The following SMOX variants were observed in gnomAD, a reference collection of about 807,000 sequenced individuals.
The protein encoded by SMOX is spermine oxidase, also known as flavin containing amine oxidase.
Under a neutral mutation model 51.0 loss-of-function variants are expected in SMOX, and 22 were observed. The observed-to-expected ratio is 0.43, with a 90% confidence interval of 0.31 to 0.62. SMOX has a LOEUF of 0.62. Among genes scored for constraint, SMOX ranks in the 20% least tolerant of loss-of-function variants. The probability of loss-of-function intolerance (pLI) is 0.10; values close to 1 mark genes in which losing one functional copy is unlikely to be tolerated. For missense variants in SMOX, 566 were observed against 777.7 expected, an observed-to-expected ratio of 0.73 and a Z score of 3.24; for synonymous variants, 282 against 307.8, an observed-to-expected ratio of 0.92 and a Z score of 0.88.
intron 1 of SMOX, among the ~76,000 whole-genome samples, chr20:4,155,941 C>T (rs1423385805): frequency 6.6e-6 from 1 of 152,176 alleles, no homozygotes; most frequent in African/African-American, 2.4e-5. Flanking sequence ...ATCCCACACA[C>T]ACCTCCTCAA....
chr20:4,155,369 C>T (rs1207180931), intron 1 of SMOX, among the ~76,000 whole-genome samples: 7 of 151,924 alleles, frequency 4.6e-5, no homozygotes, highest in Middle Eastern at 3.2e-3. Context: ...GAGCTGCTGT[C>T]GGGGGTCTTA....
intron 1 of SMOX, among the ~76,000 whole-genome samples, chr20:4,160,771 CCGTCTCCACCTTCAGGGAGGAAGGCT>C (rs1315386000): frequency 2.6e-5 from 4 of 152,114 alleles, no homozygotes; most frequent in African/African-American, 9.7e-5. Context: ...GGAGGAAGGC[CCGTCTCCACCTTCAGGGAGGAAGGCT>C]GCCTGGATCC....
rs1158362889 is a variant in SMOX, at chr20:4,175,087, C to T, written c.32C>T (p.Ala11Val). MQSCESSGDS[A>V]DDPLSRGLRR... is the part of the protein sequence containing the mutation. ...AGTTGTGAATCCAGTGGTGACAGTG[C>T]GGATGACCCTCTCAGTCGCGGCCTA... is the stretch of plus-strand genomic sequence containing the variant. The change falls in exon 2 of 7, where the codon GCG (alanine) becomes GTG (valine). Residue 11 changes from alanine to valine, a missense_variant. Transcript: ENST00000305958. The T allele has an allele frequency of 1.9e-6, 3 of 1,614,094 alleles. No individual in the cohort carries two copies. Among genetic ancestry groups the T allele is most frequent in the African/African-American group, 1.3e-5 (1 of 74,934 alleles).
At chr20:4,161,352 A>G (rs1600802174) in intron 1 of SMOX, among the ~76,000 whole-genome samples, 1 of 152,178 alleles carries the variant, frequency 6.6e-6, no homozygotes, top group South Asian at 2.1e-4. Context: ...AGCTCTCCCA[A>G]CCCTGCTGAT....
rs575370522 is a variant in SMOX at position 4,166,299 on chromosome 20, A to T, written c.-26-8731A>T. ...CCATCTCTACCTGTGTCTCTCTCTG[A>T]TACTGTCATCAAGGCCCTCAGTGAG... On this transcript the variant is annotated intron_variant, in intron 1 of 6. Transcript: ENST00000305958. This position sits in a 1 kb window ranked among gnomAD's most constrained non-coding sequence, Gnocchi z 4.2. 1.3e-3 allele frequency among the ~76,000 whole-genome samples: 197 copies of T among 152,210 alleles called. 1 individual carries two copies. The highest frequency in any genetic ancestry group is 4.2e-3 in the African/African-American group (176 of 41,502).
Position 4,153,923 on chromosome 20 carries a change from T to C in SMOX, c.-27+4946T>C, listed in dbSNP as rs1985881311. ...TTAGCTGTGGTCAGCACCTGGCATC[T>C]CCTGTGCCCCAGCCTGGTGTTCAGA... On this transcript the variant is annotated intron_variant, in intron 1 of 6. Transcript: ENST00000305958. The surrounding 1 kb of genome is among the most constrained non-coding windows in gnomAD (Gnocchi z 4.4). Among the ~76,000 whole-genome samples, 1 of 152,142 alleles carries C rather than the reference T, an allele frequency of 6.6e-6. No homozygotes were observed. Among genetic ancestry groups the C allele is most frequent in the Non-Finnish European group, 1.5e-5 (1 of 68,020 alleles).
At chr20:4,150,909 G>A (rs1344100792) in intron 1 of SMOX, among the ~76,000 whole-genome samples, 2 of 137,068 alleles carry the variant, frequency 1.5e-5, no homozygotes, top group African/African-American at 2.7e-5. Context: ...TTGGCTCACC[G>A]CAACCTCCAC....
chr20:4,180,200 A>G (rs900159079), intron 3 of SMOX, among the ~76,000 whole-genome samples: 38 of 152,328 alleles, frequency 2.5e-4, no homozygotes, highest in African/African-American at 9.1e-4. Flanking sequence ...GCAGGGAGGC[A>G]AGATGAAACA....
In SMOX at chr20:4,182,227, A is replaced by G. The variant is rs968828254; in HGVS notation, c.748A>G (p.Ile250Val). ...GGTTGTGGAGCTGCTGGCGGAGGGC[A>G]TCCCTGCCCACGTCATCCAGCTAGG... Reference protein sequence around the residue: ...MRVVELLAEGIPAHVIQLGKP... With the variant: ...MRVVELLAEGVPAHVIQLGKP... Residue 250 changes from isoleucine to valine, a missense_variant, in exon 5 of 7, where the codon ATC becomes GTC. Physicochemically the swap from Ile to Val is conservative, Grantham distance 29 (BLOSUM62 3). Transcript: ENST00000305958. This position sits in a 1 kb window ranked among gnomAD's most constrained non-coding sequence, Gnocchi z 8.4. The G allele has an allele frequency of 1.2e-6, 2 of 1,613,678 alleles. No individual in the cohort carries two copies. The highest frequency in any genetic ancestry group is 2.7e-5 in the African/African-American group (2 of 75,034).
chr20:4,175,148 C>T lies in SMOX; in HGVS notation c.93C>T (p.Gly31=), dbSNP rs745423277. The stretch of plus-strand genomic sequence containing the variant: ...GACAGCCTCGTGTGGTGGTGATCGG[C>T]GCCGGCTTGGCTGGCCTGGCTGCAG... ...RRGQPRVVVI[G]AGLAGLAAAK... The change falls in exon 2 of 7, where the codon GGC becomes GGT. Residue 31 remains glycine, a synonymous_variant. Transcript: ENST00000305958. The T allele has an allele frequency of 1.1e-5, 17 of 1,614,200 alleles. No individual in the cohort carries two copies. Among genetic ancestry groups the T allele is most frequent in the East Asian group, 4.5e-5 (2 of 44,882 alleles).
Position 4,178,267 on chromosome 20 carries a change from G to C in SMOX, c.435+690G>C, listed in dbSNP as rs182949946. Among the ~76,000 whole-genome samples the C allele has an allele frequency of 7.9e-5, 12 of 152,294 alleles. No individual in the cohort carries two copies. The East Asian group carries it at 2.3e-3, about 29-fold the overall frequency. On this transcript the variant is annotated intron_variant, in intron 3 of 6. Coordinates refer to ENST00000305958, the MANE Select transcript of SMOX (RefSeq NM_175839.3). ...TTGTTCAGGTTGGTCTCGAACTCCT[G>C]ACTTCATGATCGGCCTACCTTGGCC...
chr20:4,175,024 C>A lies in SMOX; in HGVS notation c.-26-6C>A. On this transcript the variant is annotated splice_polypyrimidine_tract_variant and splice_region_variant and intron_variant, in intron 1 of 6. Transcript: ENST00000305958. ...CACTAAGCTGTGACACCTCCTCCCC[C>A]TGCAGGTTCCTAGAAGGTGAGCGCG... The A allele has an allele frequency of 6.2e-7, 1 of 1,611,682 alleles. No homozygotes were observed. Among genetic ancestry groups the A allele is most frequent in the East Asian group, 2.2e-5 (1 of 44,814 alleles).
At chr20:4,158,514 G>A (rs1468062676) in intron 1 of SMOX, among the ~76,000 whole-genome samples, 1 of 152,198 alleles carries the variant, frequency 6.6e-6, no homozygotes, top group Non-Finnish European at 1.5e-5. Context: ...CCTGCTTCTT[G>A]AGGGACGGCA....
Position 4,175,077 on chromosome 20 carries a change from G to A in SMOX, c.22G>A (p.Gly8Ser), listed in dbSNP as rs1978727803. The A allele has an allele frequency of 1.9e-6, 3 of 1,614,234 alleles. No homozygotes were observed. The highest frequency in any genetic ancestry group is 2.5e-6 in the Non-Finnish European group (3 of 1,180,048). Residue 8 changes from glycine (G) to serine (S), a missense_variant, in exon 2 of 7, where the codon GGT becomes AGT. Physicochemically the swap from Gly to Ser is moderately conservative, Grantham distance 56 (BLOSUM62 0). Transcript: ENST00000305958. ...CGGTATGCAAAGTTGTGAATCCAGTGGTGACAGTGCGGATGACCCTCTCAG... is the reference window on the plus strand; with the variant it reads ...CGGTATGCAAAGTTGTGAATCCAGTAGTGACAGTGCGGATGACCCTCTCAG... MQSCESS[G>S]DSADDPLSRG...
chr20:4,168,677 C>G (rs113534745), intron 1 of SMOX, among the ~76,000 whole-genome samples: 2 of 151,996 alleles, frequency 1.3e-5, no homozygotes, highest in African/African-American at 4.8e-5. Flanking sequence ...CTGCCTCAGC[C>G]TCCCGAGTAG....
Position 4,175,292 on chromosome 20 carries a change from C to T in SMOX, c.208+29C>T, listed in dbSNP as rs748962556. 8 of 1,604,942 alleles carry T rather than the reference C, an allele frequency of 5.0e-6. No individual in the cohort carries two copies. In the Admixed American group the frequency reaches 1.3e-4, roughly 27 times the overall value. The stretch of plus-strand genomic sequence containing the variant: ...AGTGCCACCCAGTCCAGCCCAGCCA[C>T]CTCCCCAGGTCACCTTTAGTCTCCT... On this transcript the variant is annotated intron_variant, in intron 2 of 6. Coordinates refer to ENST00000305958, the MANE Select transcript of SMOX (RefSeq NM_175839.3).
Position 4,182,066 on chromosome 20 carries a change from C to A in SMOX, c.610-23C>A. 6.3e-7 allele frequency: 1 copy of A among 1,585,132 alleles called. No homozygotes were observed. The highest frequency in any genetic ancestry group is 1.2e-5 in the South Asian group (1 of 86,326). ...CTGCCCAACCCCGGCGGTCACCTGG[C>A]TTCTCCTTGGGTCTTCCCGCAGGTG... is the stretch of plus-strand genomic sequence containing the variant. On this transcript the variant is annotated intron_variant, in intron 4 of 6. Transcript: ENST00000305958. This position sits in a 1 kb window ranked among gnomAD's most constrained non-coding sequence, Gnocchi z 8.4.
Position 4,187,381 on chromosome 20 carries a change from C to G in SMOX, c.1642C>G (p.Arg548Gly), listed in dbSNP as rs755601734. The change falls in exon 7 of 7, where the codon CGA becomes GGA. Residue 548 changes from arginine to glycine, a missense_variant. Arg to Gly is a moderately radical substitution (Grantham distance 125). This residue lies in a region of SMOX where 347 missense variants were observed against 481.8 expected (regional missense o/e 0.72). Transcript: ENST00000305958. The surrounding 1 kb of genome is among the most constrained non-coding windows in gnomAD (Gnocchi z 4.8). The part of the protein sequence containing the change: ...REAARLIEMY[R>G]DLFQQGT The stretch of plus-strand genomic sequence containing the variant: ...GGCTGCCCGCCTCATTGAGATGTAC[C>G]GAGACCTCTTCCAGCAGGGGACCTG... The G allele has an allele frequency of 6.2e-7, 1 of 1,614,138 alleles. No individual in the cohort carries two copies. Among genetic ancestry groups the G allele is most frequent in the Admixed American group, 1.7e-5 (1 of 60,016 alleles).
In SMOX at chr20:4,177,515, A is replaced by G; in HGVS notation, c.373A>G (p.Thr125Ala). 6.3e-7 allele frequency: 1 copy of G among 1,594,964 alleles called. No individual in the cohort carries two copies. Among genetic ancestry groups the G allele is most frequent in the Non-Finnish European group, 8.5e-7 (1 of 1,169,802 alleles). The change falls in exon 3 of 7, where the codon ACC becomes GCC. Residue 125 changes from threonine (T) to alanine (A), a missense_variant. This residue lies in a region of SMOX where 217 missense variants were observed against 278.4 expected (regional missense o/e 0.78). Coordinates refer to ENST00000305958, the MANE Select transcript of SMOX (RefSeq NM_175839.3). The surrounding 1 kb of genome is among the most constrained non-coding windows in gnomAD (Gnocchi z 4.3). ...YSKNGVACYL[T>A]NHGRRIPKDV... ...CAAGAATGGCGTGGCCTGCTACCTT[A>G]CCAACCACGGCCGCAGGATCCCCAA...
Sources: allele counts gnomAD v4.1 joint callset (sites outside exome capture counted in the v4.1 genomes callset), GRCh38; gene constraint gnomAD v4.1.1; regional missense constraint gnomAD v4.1.1; non-coding constraint Gnocchi (gnomAD v3.1); transcripts MANE v1.5; gene names NCBI Gene and HGNC (gene_info 2026-07-23, HGNC 2026-07-21).